EPM2A: variants seen among roughly 807,000 people sequenced by gnomAD.
The protein encoded by EPM2A is EPM2A glucan phosphatase, laforin.
EPM2A carries 21 observed loss-of-function variants against 26.5 expected under a neutral mutation model. That is an observed-to-expected ratio of 0.79 (90% CI 0.56 to 1.14). The LOEUF is 1.14. Ranked by LOEUF, EPM2A falls within the 50% of genes most tolerant of loss-of-function variation. EPM2A has a pLI of 0.00. For missense variants in EPM2A, 458 were observed against 440.8 expected (o/e 1.04, Z -0.35); for synonymous variants, 217 against 177.6 (o/e 1.22, Z -1.76).
downstream of EPM2A, among the ~76,000 whole-genome samples, chr6:145,621,114 C>T (rs1775623864): frequency 6.6e-6 from 1 of 152,128 alleles, no homozygotes; most frequent in Admixed American, 6.5e-5. Context: ...ACTTCTCAGC[C>T]CCTGGTAACT....
At chr6:145,700,880 T>C (rs964652373) in intron 1 of EPM2A, among the ~76,000 whole-genome samples, 8 of 152,316 alleles carry the variant, frequency 5.3e-5, no homozygotes, top group African/African-American at 1.9e-4. Context: ...CTAGTTCTGC[T>C]GCAAAAACCA....
In EPM2A at chr6:145,684,490, T is replaced by C. The variant is rs938477379; in HGVS notation, c.476+1632A>G. ...TTCTCATTCCTTTCTCTGGATCTTC[T>C]GCTTCTCCTTGACTTCTAAATTGTG... is the stretch of plus-strand genomic sequence containing the variant. On this transcript the variant is annotated intron_variant, in intron 2 of 3. Coordinates refer to ENST00000367519, the MANE Select transcript of EPM2A (RefSeq NM_005670.4). 5.3e-4 allele frequency among the ~76,000 whole-genome samples: 80 copies of C among 152,298 alleles called. 1 individual carries two copies. The highest frequency in any genetic ancestry group is 1.3e-4 in the Non-Finnish European group (9 of 68,014).
chr6:145,692,205 T>A (rs753057835), intron 1 of EPM2A, among the ~76,000 whole-genome samples: 1 of 151,976 alleles, frequency 6.6e-6, no homozygotes, highest in Admixed American at 6.6e-5. Flanking sequence ...AACAGTAAGG[T>A]GGTTAAATAC....
chr6:145,408,897 C>T (rs536340854), intron 4 of EPM2A, among the ~76,000 whole-genome samples: 8 of 152,240 alleles, frequency 5.3e-5, no homozygotes, highest in Admixed American at 5.2e-4. Context: ...GAGCTCCACC[C>T]TCATGACCCA....
At chr6:145,496,728 A>ATGTTTTTTTTTTTTTTTTTTTTTTT (rs779194973), downstream of EPM2A, among the ~76,000 whole-genome samples, 4 of 106,908 alleles carry the variant, frequency 3.7e-5, 1 homozygote, top group Non-Finnish European at 5.9e-5. Flanking sequence ...AGTTCCTGCA[A>ATGTTTTTTTTTTTTTTTTTTTTTTT]TTTTTTTTTT....
At chr6:145,552,819 A>G (rs1780673682) in intron 2 of EPM2A, among the ~76,000 whole-genome samples, 1 of 152,128 alleles carries the variant, frequency 6.6e-6, no homozygotes, top group African/African-American at 2.4e-5. Context: ...TTTCTAGTCC[A>G]GCAAACATTT....
chr6:145,502,321 C>T (rs553398995), intron 3 of EPM2A, among the ~76,000 whole-genome samples: 1 of 152,376 alleles, frequency 6.6e-6, no homozygotes, highest in East Asian at 1.9e-4. Context: ...TGGCTTCCAT[C>T]TGCCACACAG....
chr6:145,414,580 G>C (rs895111307), intron 4 of EPM2A, among the ~76,000 whole-genome samples: 1 of 152,038 alleles, frequency 6.6e-6, no homozygotes, highest in Non-Finnish European at 1.5e-5. Flanking sequence ...TAAGAGGAAT[G>C]CTTATCACCT....
intron 2 of EPM2A, among the ~76,000 whole-genome samples, chr6:145,571,916 T>C (rs1582864399): frequency 6.6e-6 from 1 of 152,320 alleles, no homozygotes; most frequent in Admixed American, 6.5e-5. Context: ...AGCATTTACA[T>C]GGGATAAAAA....
intron 2 of EPM2A, among the ~76,000 whole-genome samples, chr6:145,526,619 C>T (rs1400976482): frequency 6.6e-6 from 1 of 151,970 alleles, no homozygotes; most frequent in Non-Finnish European, 1.5e-5. Flanking sequence ...TTCTGTATTT[C>T]TATGGGATCG....
intron 2 of EPM2A, chr6:145,684,662 TA>T (rs1179123618): frequency 9.9e-5 from 15 of 152,200 alleles, no homozygotes; most frequent in African/African-American, 3.6e-4. Context: ...AAGCTCTCCA[TA>T]AAATTTCTGA....
intron 1 of EPM2A, among the ~76,000 whole-genome samples, chr6:145,716,422 C>T (rs1196921376): frequency 6.6e-6 from 1 of 152,172 alleles, no homozygotes; most frequent in Non-Finnish European, 1.5e-5. Context: ...CAGGGCATCA[C>T]TGGTGTGGCC....
chr6:145,565,827 C>T (rs409553), intron 2 of EPM2A, among the ~76,000 whole-genome samples: 72,772 of 151,484 alleles, frequency 0.48, 18,311 homozygotes, highest in African/African-American at 0.63. Flanking sequence ...ATCCTCTATG[C>T]GATGAGGTAA....
intron 2 of EPM2A, among the ~76,000 whole-genome samples, chr6:145,613,137 C>T (rs2096201): frequency 0.36 from 54,237 of 152,028 alleles, 10,192 homozygotes; most frequent in South Asian, 0.51. Context: ...TATTCTAAAT[C>T]ATTTGTTGTC....
chr6:145,388,928 GT>G (rs1197615860), intron 4 of EPM2A, among the ~76,000 whole-genome samples: 1 of 152,046 alleles, frequency 6.6e-6, no homozygotes, highest in African/African-American at 2.4e-5. Context: ...GGGCTTTTGG[GT>G]TGGTTCCAAG....
chr6:145,590,300 C>A (rs1781255133), intron 2 of EPM2A, among the ~76,000 whole-genome samples: 1 of 151,964 alleles, frequency 6.6e-6, no homozygotes. Context: ...GGGGAGTAGC[C>A]ATTTTTAAAT....
intron 1 of EPM2A, among the ~76,000 whole-genome samples, chr6:145,706,547 A>C (rs897462807): frequency 1.3e-5 from 2 of 152,190 alleles, no homozygotes; most frequent in African/African-American, 4.8e-5. Context: ...GAAAGCCTTT[A>C]TACTAAATCC....
chr6:145,577,214 C>A (rs1197779425), intron 2 of EPM2A, among the ~76,000 whole-genome samples: 1 of 151,842 alleles, frequency 6.6e-6, no homozygotes, highest in African/African-American at 2.4e-5. Context: ...GGACTAAATT[C>A]TCCAATTAAA....
At chr6:145,404,827 G>A (rs375675956) in intron 4 of EPM2A, among the ~76,000 whole-genome samples, 4 of 152,070 alleles carry the variant, frequency 2.6e-5, no homozygotes, top group African/African-American at 7.2e-5. Flanking sequence ...AAAGATTGCT[G>A]CAGGAAGCTG....
Sources: allele counts gnomAD v4.1 joint callset (sites outside exome capture counted in the v4.1 genomes callset), GRCh38; gene constraint gnomAD v4.1.1; transcripts MANE v1.5; gene names NCBI Gene and HGNC (gene_info 2026-07-23, HGNC 2026-07-21).